Variants in VPS54 observed in about 807,000 individuals in gnomAD.
VPS54 encodes the protein vacuolar protein sorting-associated protein 54.
A neutral mutation model predicts 121.5 loss-of-function variants in VPS54; 45 were observed. That is an observed-to-expected ratio of 0.37 (90% CI 0.29 to 0.47). VPS54 has a LOEUF of 0.47. VPS54 is among the 20% of genes least tolerant of loss of function. The pLI, the probability that VPS54 is intolerant of heterozygous loss-of-function variation, is 0.99. For synonymous variants in VPS54, 371 were observed against 385.8 expected (o/e 0.96, Z 0.45); for missense variants, 1,090 against 1,131.4 (o/e 0.96, Z 0.52).
At chr2:63,894,059 A>C (rs1269719621) in intron 22 of VPS54, among the ~76,000 whole-genome samples, 1 of 152,236 alleles carries the variant, frequency 6.6e-6, no homozygotes, top group African/African-American at 2.4e-5. Context: ...AAAACACCTG[A>C]ATAACCAATA....
chr2:63,914,373 G>A lies in VPS54; in HGVS notation c.2229-86C>T, dbSNP rs1673285688. ...GCATATAAAAATCAAATTACTTAAT[G>A]GCACAAAGGATCTCTGAGAATATAA... is the stretch of plus-strand genomic sequence containing the variant. On this transcript the variant is annotated intron_variant, in intron 16 of 22. Coordinates refer to ENST00000272322, the MANE Select transcript of VPS54 (RefSeq NM_016516.3). 5.9e-6 allele frequency: 5 copies of A among 849,186 alleles called. No homozygotes were observed. The South Asian group carries it at 7.7e-5, about 13-fold the overall frequency. 52.6% of individuals were successfully genotyped at this position (849,186 alleles called of 1,614,324 possible).
intron 1 of VPS54, among the ~76,000 whole-genome samples, chr2:63,995,790 A>G (rs1184528938): frequency 2.6e-5 from 4 of 152,222 alleles, no homozygotes; most frequent in Non-Finnish European, 5.9e-5. Flanking sequence ...GAGACTGATC[A>G]TTCATGGGAA....
intron 18 of VPS54, 118 bp from the exon 19 acceptor site, chr2:63,912,779 C>A: frequency 2.3e-6 from 3 of 1,290,278 alleles, no homozygotes; most frequent in Non-Finnish European, 3.1e-6. Flanking sequence ...CAGTTTATTT[C>A]ATAAACGAAG....
intron 12 of VPS54, among the ~76,000 whole-genome samples, chr2:63,929,980 G>C (rs896114428): frequency 9.9e-5 from 15 of 152,122 alleles, no homozygotes; most frequent in Admixed American, 9.8e-4. Context: ...TTGAATCTCT[G>C]AATAGACCAG....
At position 63,966,488 on chromosome 2, in the gene VPS54, C is replaced by T. The variant is rs1488984872; in HGVS notation, c.493-522G>A. 1.2e-4 allele frequency among the ~76,000 whole-genome samples: 18 copies of T among 152,234 alleles called. No homozygotes were observed. The East Asian group carries it at 3.5e-3, about 29-fold the overall frequency. On this transcript the variant is annotated intron_variant, in intron 5 of 22. Transcript: ENST00000272322. ...TATCACGACCAGCTAAGCAATAAGG[C>T]CTACCCGTTATATTTTGTAAATATA... is the stretch of plus-strand genomic sequence containing the variant.
At chr2:63,917,412 A>T (rs1407462097) in intron 15 of VPS54, among the ~76,000 whole-genome samples, 1 of 152,100 alleles carries the variant, frequency 6.6e-6, no homozygotes, top group African/African-American at 2.4e-5. Context: ...ATCATTATAG[A>T]ATACAAGTTA....
chr2:63,900,487 A>G (rs1381703282), intron 20 of VPS54, among the ~76,000 whole-genome samples: 2 of 152,184 alleles, frequency 1.3e-5, no homozygotes, highest in Non-Finnish European at 2.9e-5. Context: ...TTTAGAATTC[A>G]CACAGCTGAA....
At chr2:63,943,108 AATATT>A (rs530294614) in intron 10 of VPS54, among the ~76,000 whole-genome samples, 152 of 152,328 alleles carry the variant, frequency 1.0e-3, no homozygotes, top group Non-Finnish European at 1.5e-3. Flanking sequence ...GGTTGTTGTA[AATATT>A]ATATGAGTTA....
intron 12 of VPS54, among the ~76,000 whole-genome samples, chr2:63,929,867 A>G (rs1674102958): frequency 6.6e-6 from 1 of 152,212 alleles, no homozygotes; most frequent in East Asian, 1.9e-4. Flanking sequence ...AACTACCATC[A>G]GAGAATACTA....
At chr2:63,940,912 G>A (rs540354433) in intron 11 of VPS54, among the ~76,000 whole-genome samples, 1 of 152,210 alleles carries the variant, frequency 6.6e-6, no homozygotes, top group Non-Finnish European at 1.5e-5. Context: ...TCTATAGGTA[G>A]GATCAACATT....
intron 12 of VPS54, among the ~76,000 whole-genome samples, chr2:63,932,796 T>C (rs538691170): frequency 4.6e-5 from 7 of 152,286 alleles, no homozygotes; most frequent in Admixed American, 4.6e-4. Flanking sequence ...ATTTTTTTGA[T>C]AACGGAGATT....
chr2:63,917,675 C>T (rs1673446746), intron 15 of VPS54, among the ~76,000 whole-genome samples: 1 of 151,898 alleles, frequency 6.6e-6, no homozygotes, highest in South Asian at 2.1e-4. Context: ...ATATATATTG[C>T]AATCACAATT....
Position 63,962,121 on chromosome 2 carries a change from A to C in VPS54, c.947T>G (p.Leu316Trp), listed in dbSNP as rs1252065760. The C allele has an allele frequency of 6.2e-7, 1 of 1,608,428 alleles. No individual in the cohort carries two copies. Among genetic ancestry groups the C allele is most frequent in the Non-Finnish European group, 8.5e-7 (1 of 1,175,258 alleles). The change falls in exon 7 of 23, where the codon TTG becomes TGG. Residue 316 changes from leucine (L) to tryptophan (W), a missense_variant. Leu to Trp is a moderately conservative substitution (Grantham distance 61, BLOSUM62 -2). This residue lies in a region of VPS54 where 801 missense variants were observed against 757.0 expected (regional missense o/e 1.06). Coordinates refer to ENST00000272322, the MANE Select transcript of VPS54 (RefSeq NM_016516.3). ...LLSTSEFVGA[L>W]DLIATTQEVL... is the part of the protein sequence containing the mutation. ...CTCTTGTGTTGTTGCTATTAAGTCC[A>C]ATGCTCCAACAAATTCAGAAGTAGA...
At chr2:63,982,927 T>C (rs935242702) in intron 2 of VPS54, among the ~76,000 whole-genome samples, 1 of 152,154 alleles carries the variant, frequency 6.6e-6, no homozygotes, top group African/African-American at 2.4e-5. Flanking sequence ...TGACTGCAAA[T>C]TACCACAAAT....
Position 63,912,523 on chromosome 2 carries a change from A to T in VPS54, c.2544+17T>A, listed in dbSNP as rs779672475. ...CTAAACTTATGAAACGCCAATAGAAAATATATGAAAAAGTACCTTAGTGAT... is the reference window on the plus strand; with the variant it reads ...CTAAACTTATGAAACGCCAATAGAATATATATGAAAAAGTACCTTAGTGAT... On this transcript the variant is annotated intron_variant, in intron 19 of 22. Coordinates refer to ENST00000272322, the MANE Select transcript of VPS54 (RefSeq NM_016516.3). 1.9e-6 allele frequency: 3 copies of T among 1,612,128 alleles called. No individual in the cohort carries two copies. The South Asian group carries it at 3.3e-5, about 18-fold the overall frequency.
In VPS54 at chr2:63,983,957, T is replaced by A; in HGVS notation, c.43A>T (p.Ser15Cys). The A allele has an allele frequency of 1.2e-6, 2 of 1,613,784 alleles. No individual in the cohort carries two copies. Among genetic ancestry groups the A allele is most frequent in the South Asian group, 2.2e-5 (2 of 90,956 alleles). ...TCTATTTTAAAGAAAACATCACTGCTGCTTCCTTGAGGCACTGGTGAAGAA... is the reference window on the plus strand; with the variant it reads ...TCTATTTTAAAGAAAACATCACTGCAGCTTCCTTGAGGCACTGGTGAAGAA... ...HSSSPVPQGS[S>C]SDVFFKIEVD... The change falls in exon 2 of 23, where the codon AGC becomes TGC. Residue 15 changes from serine to cysteine, a missense_variant. Ser to Cys is a moderately radical substitution (Grantham distance 112). This residue lies in a region of VPS54 where 801 missense variants were observed against 757.0 expected (regional missense o/e 1.06). Transcript: ENST00000272322.
chr2:63,967,914 G>C (rs918359933), intron 5 of VPS54, among the ~76,000 whole-genome samples: 9 of 151,862 alleles, frequency 5.9e-5, no homozygotes, highest in Admixed American at 2.6e-4. Context: ...ATTAGATATG[G>C]GAAGATGAGG....
chr2:63,956,764 C>G (rs1675513424), intron 7 of VPS54, among the ~76,000 whole-genome samples: 1 of 152,112 alleles, frequency 6.6e-6, no homozygotes, highest in African/African-American at 2.4e-5. Context: ...ACAGAATACT[C>G]AAGTATTCAA....
chr2:63,916,396 G>A (rs931492832), intron 16 of VPS54, among the ~76,000 whole-genome samples: 12 of 152,250 alleles, frequency 7.9e-5, no homozygotes, highest in African/African-American at 2.9e-4. Context: ...TGATGCCAAT[G>A]AGAATAACTA....
Sources: allele counts gnomAD v4.1 joint callset (sites outside exome capture counted in the v4.1 genomes callset), GRCh38; gene constraint gnomAD v4.1.1; regional missense constraint gnomAD v4.1.1; transcripts MANE v1.5; gene names NCBI Gene and HGNC (gene_info 2026-07-23, HGNC 2026-07-21).